Variants in B3GALT1 observed in about 807,000 individuals in gnomAD.
B3GALT1 encodes the protein UDP-Gal:betaGlcNAc beta 1,3-galactosyltransferase, polypeptide 1.
B3GALT1 carries 10 observed loss-of-function variants against 23.2 expected under a neutral mutation model. That is an observed-to-expected ratio of 0.43 (90% CI 0.27 to 0.73). B3GALT1 has a LOEUF of 0.73. Ranked by LOEUF, B3GALT1 falls within the 30% of genes least tolerant of loss-of-function variation. The probability of loss-of-function intolerance (pLI) is 0.21; values close to 1 mark genes in which losing one functional copy is unlikely to be tolerated. For missense variants in B3GALT1, 299 were observed against 405.4 expected, an observed-to-expected ratio of 0.74 and a Z score of 2.25; for synonymous variants, 156 against 141.5, an observed-to-expected ratio of 1.10 and a Z score of -0.73.
At chr2:167,725,789 T>C (rs1219694834) in intron 3 of B3GALT1, among the ~76,000 whole-genome samples, 2 of 152,120 alleles carry the variant, frequency 1.3e-5, no homozygotes, top group Admixed American at 1.3e-4. Flanking sequence ...ATCATAGTAG[T>C]GTTCAGGGAG....
At chr2:167,602,829 T>C (rs1358761207) in intron 2 of B3GALT1, among the ~76,000 whole-genome samples, 1 of 152,160 alleles carries the variant, frequency 6.6e-6, no homozygotes, top group East Asian at 1.9e-4. Context: ...AAAATCAATC[T>C]ATTTTTAGAG....
chr2:167,692,936 G>A (rs1285560552), intron 3 of B3GALT1, among the ~76,000 whole-genome samples: 2 of 151,960 alleles, frequency 1.3e-5, no homozygotes, highest in Non-Finnish European at 2.9e-5. Flanking sequence ...TGCAATTCAG[G>A]CCAATTTCCA....
At chr2:167,561,359 A>T (rs13143478) in intron 2 of B3GALT1, among the ~76,000 whole-genome samples, 1 of 152,220 alleles carries the variant, frequency 6.6e-6, no homozygotes, top group Non-Finnish European at 1.5e-5. Context: ...AGCAGGAAAG[A>T]TCCAAAATTG....
intron 1 of B3GALT1, among the ~76,000 whole-genome samples, chr2:167,456,771 G>C (rs147406381): frequency 6.6e-6 from 1 of 152,122 alleles, no homozygotes; most frequent in South Asian, 2.1e-4. Context: ...TGGGTGGGGG[G>C]CATGTGGAGC....
rs1684128400 is a variant in B3GALT1, at chr2:167,565,042, T to C, written c.-410+74765T>C. On this transcript the variant is annotated intron_variant, in intron 2 of 4. Transcript: ENST00000392690. ...ATATGGAACCAAAAAAGAGCCCGCA[T>C]TGCCAAGTCAATCCTAAGCCAAAAG... Among the ~76,000 whole-genome samples the C allele has an allele frequency of 2.0e-5, 3 of 152,300 alleles. No homozygotes were observed. The South Asian group carries it at 6.2e-4, about 32-fold the overall frequency.
chr2:167,843,998 T>A (rs1689705083), intron 4 of B3GALT1, among the ~76,000 whole-genome samples: 1 of 152,208 alleles, frequency 6.6e-6, no homozygotes, highest in South Asian at 2.1e-4. Flanking sequence ...TCTCTGAGAA[T>A]GCTCACAGAG....
intron 3 of B3GALT1, among the ~76,000 whole-genome samples, chr2:167,781,255 GAA>G (rs1348946169): frequency 6.6e-6 from 1 of 152,106 alleles, no homozygotes; most frequent in African/African-American, 2.4e-5. Flanking sequence ...ATTTAAGGGT[GAA>G]AAAGAGAATG....
intron 2 of B3GALT1, among the ~76,000 whole-genome samples, chr2:167,632,116 A>G (rs1019830501): frequency 2.0e-5 from 3 of 152,082 alleles, no homozygotes; most frequent in Non-Finnish European, 4.4e-5. Flanking sequence ...CCTGCAAAGG[A>G]CATGAACTCA....
At chr2:167,569,645 T>G (rs1392680445) in intron 2 of B3GALT1, among the ~76,000 whole-genome samples, 1 of 151,894 alleles carries the variant, frequency 6.6e-6, no homozygotes, top group Non-Finnish European at 1.5e-5. Flanking sequence ...ATCTGTATAC[T>G]TTTTCTTTCC....
At chr2:167,612,767 A>T (rs576790593) in intron 2 of B3GALT1, among the ~76,000 whole-genome samples, 2 of 152,064 alleles carry the variant, frequency 1.3e-5, no homozygotes, top group East Asian at 3.9e-4. Flanking sequence ...ATGATGTCAG[A>T]ATCTAACCAT....
At chr2:167,739,426 A>G (rs910895252) in intron 3 of B3GALT1, among the ~76,000 whole-genome samples, 1 of 152,216 alleles carries the variant, frequency 6.6e-6, no homozygotes, top group African/African-American at 2.4e-5. Context: ...ATATTTGTTC[A>G]TAGTGCCAAG....
At chr2:167,751,346 C>T (rs1022856052) in intron 3 of B3GALT1, among the ~76,000 whole-genome samples, 1 of 152,170 alleles carries the variant, frequency 6.6e-6, no homozygotes, top group Non-Finnish European at 1.5e-5. Flanking sequence ...GCAACAAGTA[C>T]TTGAGTAAAA....
chr2:167,818,806 CCAGGTAGGCGAGAA>C lies in B3GALT1; in HGVS notation c.-230+14_-230+27del, dbSNP rs1325100989. Among the ~76,000 whole-genome samples the C allele has an allele frequency of 5.3e-5, 8 of 152,134 alleles. No individual in the cohort carries two copies. Among genetic ancestry groups the C allele is most frequent in the South Asian group, 4.2e-4 (2 of 4,810 alleles). On this transcript the variant is annotated intron_variant, in intron 4 of 4. Coordinates refer to ENST00000392690, the MANE Select transcript of B3GALT1 (RefSeq NM_020981.4). The stretch of plus-strand genomic sequence containing the variant: ...CTGGAGCCAACAGGTAGGCGAGAAA[CCAGGTAGGCGAGAA>C]ACACGTTTCTCAGTTATGCAGCCCA...
At chr2:167,453,817 A>T (rs1432072695) in intron 1 of B3GALT1, among the ~76,000 whole-genome samples, 1 of 152,336 alleles carries the variant, frequency 6.6e-6, no homozygotes, top group South Asian at 2.1e-4. Flanking sequence ...AGTGATCAGG[A>T]TTTCTTTGTG....
intron 1 of B3GALT1, among the ~76,000 whole-genome samples, chr2:167,461,453 A>G (rs1699257824): frequency 6.6e-6 from 1 of 152,202 alleles, no homozygotes; most frequent in African/African-American, 2.4e-5. Context: ...CTACTTCACC[A>G]TCTTTCTAGA....
intron 3 of B3GALT1, among the ~76,000 whole-genome samples, chr2:167,726,136 G>A (rs1310033022): frequency 6.6e-6 from 1 of 152,128 alleles, no homozygotes; most frequent in Non-Finnish European, 1.5e-5. Flanking sequence ...GCTATCCATG[G>A]AACTTATCTA....
chr2:167,748,679 T>C (rs1687688065), intron 3 of B3GALT1, among the ~76,000 whole-genome samples: 1 of 152,142 alleles, frequency 6.6e-6, no homozygotes, highest in African/African-American at 2.4e-5. Context: ...GAGGCAGGTA[T>C]TGAAGTCAAA....
intron 4 of B3GALT1, among the ~76,000 whole-genome samples, chr2:167,834,061 A>C (rs2105383473): frequency 6.6e-6 from 1 of 152,278 alleles, no homozygotes. Flanking sequence ...TAAAAAAGGA[A>C]CTTTGCTGCA....
intron 2 of B3GALT1, among the ~76,000 whole-genome samples, chr2:167,552,321 T>A (rs1285436385): frequency 6.6e-6 from 1 of 152,190 alleles, no homozygotes; most frequent in African/African-American, 2.4e-5. Flanking sequence ...AGCACAGCAG[T>A]TTAGGCAAAG....
Sources: gnomAD v4.1 joint callset for allele counts (sites outside exome capture counted in the v4.1 genomes callset) on GRCh38, gnomAD v4.1.1 for gene constraint, MANE v1.5 for transcripts, NCBI Gene and HGNC (gene_info 2026-07-23, HGNC 2026-07-21) for gene names.